The following DIAPH3 variants were observed in gnomAD, a reference collection of about 807,000 sequenced individuals.
DIAPH3 encodes the protein protein diaphanous homolog 3.
DIAPH3 carries 117 observed loss-of-function variants against 144.3 expected under a neutral mutation model. That is an observed-to-expected ratio of 0.81 (90% CI 0.70 to 0.95). The LOEUF (loss-of-function observed/expected upper bound fraction) is 0.95. DIAPH3 is among the 40% of genes least tolerant of loss of function. DIAPH3 has a pLI of 0.00. For synonymous variants in DIAPH3, 519 were observed against 488.9 expected, an observed-to-expected ratio of 1.06 and a Z score of -0.81; for missense variants, 1,421 against 1,412.7, an observed-to-expected ratio of 1.01 and a Z score of -0.09.
intron 1 of DIAPH3, among the ~76,000 whole-genome samples, chr13:60,136,855 G>A (rs1337745913): frequency 2.6e-5 from 4 of 152,048 alleles, no homozygotes; most frequent in Non-Finnish European, 5.9e-5. Context: ...CAGGAGAATG[G>A]CGTGAACCCG....
chr13:60,073,172 G>C (rs2057272081), intron 4 of DIAPH3, among the ~76,000 whole-genome samples: 1 of 152,084 alleles, frequency 6.6e-6, no homozygotes, highest in South Asian at 2.1e-4. Flanking sequence ...AGCCGGGCGT[G>C]GTGGCAGGTG....
intron 4 of DIAPH3, among the ~76,000 whole-genome samples, chr13:60,057,788 T>C (rs1379631148): frequency 1.3e-5 from 2 of 151,652 alleles, no homozygotes; most frequent in African/African-American, 4.8e-5. Flanking sequence ...AAAACATAAA[T>C]TGGAGAAAGG....
At chr13:59,982,859 T>C (rs1159574548) in intron 13 of DIAPH3, among the ~76,000 whole-genome samples, 1 of 151,556 alleles carries the variant, frequency 6.6e-6, no homozygotes, top group African/African-American at 2.4e-5. Flanking sequence ...CAGGTCTTTA[T>C]ACAATATCAC....
intron 27 of DIAPH3, among the ~76,000 whole-genome samples, chr13:59,688,647 C>T (rs2033341656): frequency 1.3e-5 from 2 of 151,924 alleles, no homozygotes; most frequent in African/African-American, 4.8e-5. Flanking sequence ...ATAATAAATA[C>T]AATAGAATTT....
intron 27 of DIAPH3, among the ~76,000 whole-genome samples, chr13:59,740,315 G>A (rs371403554): frequency 6.6e-6 from 1 of 152,198 alleles, no homozygotes; most frequent in Admixed American, 6.5e-5. Context: ...TTATACCTAT[G>A]AGACTGTACA....
chr13:59,731,178 C>T (rs1296096096), intron 27 of DIAPH3, among the ~76,000 whole-genome samples: 6 of 152,100 alleles, frequency 3.9e-5, no homozygotes, highest in African/African-American at 1.4e-4. Flanking sequence ...TAATAAGCTG[C>T]TACTTTATTT....
intron 27 of DIAPH3, among the ~76,000 whole-genome samples, chr13:59,699,496 C>T (rs1264158101): frequency 6.6e-6 from 1 of 152,176 alleles, no homozygotes; most frequent in Non-Finnish European, 1.5e-5. Context: ...TTATCTCATC[C>T]AATCTGACTT....
intron 9 of DIAPH3, among the ~76,000 whole-genome samples, chr13:60,003,977 A>G (rs1355581974): frequency 6.6e-6 from 1 of 152,170 alleles, no homozygotes; most frequent in Non-Finnish European, 1.5e-5. Flanking sequence ...AGTGTGCACA[A>G]TTCTATCATA....
At chr13:60,110,716 T>G (rs904449159) in intron 3 of DIAPH3, among the ~76,000 whole-genome samples, 2 of 152,178 alleles carry the variant, frequency 1.3e-5, no homozygotes, top group African/African-American at 4.8e-5. Context: ...GCTGAGTTAC[T>G]CCAGTGAGGG....
At chr13:59,998,777 C>A in intron 9 of DIAPH3, among the ~76,000 whole-genome samples, 1 of 151,972 alleles carries the variant, frequency 6.6e-6, no homozygotes, top group East Asian at 1.9e-4. Flanking sequence ...TATATATCAA[C>A]CCTATTCATG....
chr13:60,086,923 G>A (rs2057764765), intron 4 of DIAPH3, among the ~76,000 whole-genome samples: 1 of 152,086 alleles, frequency 6.6e-6, no homozygotes, highest in South Asian at 2.1e-4. Context: ...TGGTATCCAT[G>A]GGAGATTGGT....
chr13:59,819,725 A>G (rs1177521025), intron 24 of DIAPH3, among the ~76,000 whole-genome samples: 1 of 150,974 alleles, frequency 6.6e-6, no homozygotes, highest in East Asian at 1.9e-4. Context: ...TGCCTTCAAG[A>G]ATACATTAAG....
chr13:60,055,357 T>C (rs957907062), intron 4 of DIAPH3, among the ~76,000 whole-genome samples: 4 of 152,066 alleles, frequency 2.6e-5, no homozygotes, highest in East Asian at 3.9e-4. Context: ...CTGTCCTGCA[T>C]TGGCCCAGTG....
At chr13:59,817,836 T>G (rs557714345) in intron 24 of DIAPH3, among the ~76,000 whole-genome samples, 189 of 152,100 alleles carry the variant, frequency 1.2e-3, no homozygotes, top group African/African-American at 4.4e-3. Context: ...TAACAAGACC[T>G]AAAGTTAATT....
At chr13:59,737,401 C>G (rs1420479426) in intron 27 of DIAPH3, among the ~76,000 whole-genome samples, 1 of 152,122 alleles carries the variant, frequency 6.6e-6, no homozygotes. Context: ...CATTTATTCA[C>G]CATTTATTGA....
rs2053622870 is a variant in DIAPH3, at chr13:60,016,063, A to G, written c.701+8T>C. On this transcript the variant is annotated splice_region_variant and intron_variant, in intron 6 of 27. Transcript: ENST00000400324. Reference sequence around the variant, plus strand: ...GCTTACTTGAAAATAATTATTAGCAATACTTACATTTTTCCACTAATCAGT... The same window carrying G: ...GCTTACTTGAAAATAATTATTAGCAGTACTTACATTTTTCCACTAATCAGT... 6.2e-7 allele frequency: 1 copy of G among 1,612,252 alleles called. No individual in the cohort carries two copies. The highest frequency in any genetic ancestry group is 1.3e-5 in the African/African-American group (1 of 74,844).
At chr13:59,977,346 G>A (rs1397742155) in intron 14 of DIAPH3, among the ~76,000 whole-genome samples, 1 of 151,824 alleles carries the variant, frequency 6.6e-6, no homozygotes, top group Non-Finnish European at 1.5e-5. Context: ...GCAATACTTT[G>A]TAAGGGGCAC....
At chr13:59,672,862 TAAACA>T (rs747651099) in intron 27 of DIAPH3, among the ~76,000 whole-genome samples, 12 of 152,108 alleles carry the variant, frequency 7.9e-5, no homozygotes, top group Admixed American at 2.0e-4. Flanking sequence ...AACAAACAAC[TAAACA>T]AAACAATACT....
rs4054895 is a variant in DIAPH3, at chr13:59,983,139, TA to T, written c.1480+629del. The stretch of plus-strand genomic sequence containing the variant: ...ACACTAAATAATAATGCTTTATCTT[TA>T]AAAAAAAAAAAAAAAAAAACTCTCA... On this transcript the variant is annotated intron_variant, in intron 13 of 27. Transcript: ENST00000400324. 6.0e-3 allele frequency among the ~76,000 whole-genome samples: 623 copies of T among 104,660 alleles called. 8 individuals carry two copies. Among genetic ancestry groups the T allele is most frequent in the South Asian group, 0.015 (46 of 3,094 alleles). 68.7% of individuals were successfully genotyped at this position (104,660 alleles called of 152,430 possible).
Sources: gnomAD v4.1 joint callset for allele counts (sites outside exome capture counted in the v4.1 genomes callset) on GRCh38, gnomAD v4.1.1 for gene constraint, MANE v1.5 for transcripts, NCBI Gene and HGNC (gene_info 2026-07-23, HGNC 2026-07-21) for gene names.